SLC38A1: variants seen among roughly 807,000 people sequenced by gnomAD.
SLC38A1 encodes the protein solute carrier family 38 member 1.
In SLC38A1, 18 loss-of-function variants were observed where a neutral mutation model predicts 60.3. That is an observed-to-expected ratio of 0.30 (90% CI 0.21 to 0.44). The LOEUF (loss-of-function observed/expected upper bound fraction) is 0.44, where lower values mean the gene tolerates loss of function less well. Ranked by LOEUF, SLC38A1 falls within the 20% of genes least tolerant of loss-of-function variation. SLC38A1 has a pLI of 1.00. For missense variants in SLC38A1, 448 were observed against 587.2 expected, an observed-to-expected ratio of 0.76 and a Z score of 2.45; for synonymous variants, 196 against 212.1, an observed-to-expected ratio of 0.92 and a Z score of 0.66.
intron 3 of SLC38A1, among the ~76,000 whole-genome samples, chr12:46,234,999 T>C (rs7960819): frequency 0.53 from 80,467 of 151,438 alleles, 21,462 homozygotes; most frequent in Non-Finnish European, 0.56. Context: ...GGTGTGTCTG[T>C]ACCCATAAAA....
At position 46,198,512 on chromosome 12, in the gene SLC38A1, T is replaced by A. The variant is rs1592068785; in HGVS notation, c.1122+113A>T. 4.5e-6 allele frequency: 3 copies of A among 662,990 alleles called. No homozygotes were observed. In the East Asian group the frequency reaches 8.4e-5, roughly 19 times the overall value. The allele number at this position is 662,990 out of a possible 1,614,324, so 41.1% of individuals were successfully genotyped here. A position where few individuals can be genotyped will look rare whatever the true frequency, so the allele number is the denominator to read the frequency against. On this transcript the variant is annotated intron_variant, in intron 14 of 16. Transcript: ENST00000398637. ...CTTGGGATCTTTCCCAGATGCAGAT[T>A]CAATAACCCAGGAAAGTTACCTGGG...
intron 3 of SLC38A1, among the ~76,000 whole-genome samples, chr12:46,234,241 C>T (rs1592125516): frequency 6.6e-6 from 1 of 152,172 alleles, no homozygotes; most frequent in Non-Finnish European, 1.5e-5. Flanking sequence ...ATGTACCTAA[C>T]CACACATTAG....
At chr12:46,206,979 C>A (rs1939935029) in intron 8 of SLC38A1, among the ~76,000 whole-genome samples, 176 bp downstream of exon 8, 1 of 152,180 alleles carries the variant, frequency 6.6e-6, no homozygotes, top group Non-Finnish European at 1.5e-5. Flanking sequence ...ATGCAAATGG[C>A]TCTCCTGCTT....
At chr12:46,255,145 A>G (rs1460261464) in intron 1 of SLC38A1, among the ~76,000 whole-genome samples, 1 of 152,218 alleles carries the variant, frequency 6.6e-6, no homozygotes, top group African/African-American at 2.4e-5. Flanking sequence ...ACATCTGTCA[A>G]AGTCCTATTG....
intron 3 of SLC38A1, among the ~76,000 whole-genome samples, chr12:46,233,540 T>C (rs913375092): frequency 1.3e-5 from 2 of 152,136 alleles, no homozygotes; most frequent in African/African-American, 2.4e-5. Flanking sequence ...CCTGGGTTGG[T>C]AGCAAAGCAT....
At chr12:46,251,092 C>T (rs938156794) in intron 1 of SLC38A1, among the ~76,000 whole-genome samples, 4 of 152,206 alleles carry the variant, frequency 2.6e-5, no homozygotes, top group Non-Finnish European at 4.4e-5. Flanking sequence ...TGACTTCAAA[C>T]TATGCTACAA....
At chr12:46,231,020 C>A (rs1402686860) in intron 3 of SLC38A1, among the ~76,000 whole-genome samples, 1 of 152,178 alleles carries the variant, frequency 6.6e-6, no homozygotes, top group Admixed American at 6.5e-5. Context: ...CAGCACTATT[C>A]ACCATAGCAA....
At chr12:46,191,902 C>T (rs1592057413) in intron 16 of SLC38A1, among the ~76,000 whole-genome samples, 2 of 152,164 alleles carry the variant, frequency 1.3e-5, no homozygotes, top group Non-Finnish European at 1.5e-5. Flanking sequence ...TTCCTCCTCT[C>T]CTAATTGAAT....
At chr12:46,228,415 G>A (rs540434391) in intron 5 of SLC38A1, among the ~76,000 whole-genome samples, 9 of 152,284 alleles carry the variant, frequency 5.9e-5, no homozygotes, top group South Asian at 2.1e-4. Flanking sequence ...AATGAAAAGC[G>A]TGAGTTTCAA....
chr12:46,218,989 A>C (rs1940538074), intron 5 of SLC38A1, among the ~76,000 whole-genome samples: 1 of 152,128 alleles, frequency 6.6e-6, no homozygotes. Flanking sequence ...TACAATAATG[A>C]TGTTACCCCG....
chr12:46,260,451 G>A (rs1186900469), intron 1 of SLC38A1, among the ~76,000 whole-genome samples: 1 of 152,184 alleles, frequency 6.6e-6, no homozygotes, highest in African/African-American at 2.4e-5. Flanking sequence ...TCATGATCAT[G>A]CCACTTAACA....
At chr12:46,192,243 T>C (rs1939175351) in intron 16 of SLC38A1, among the ~76,000 whole-genome samples, 1 of 152,246 alleles carries the variant, frequency 6.6e-6, no homozygotes, top group African/African-American at 2.4e-5. Context: ...ATTTATTGAT[T>C]TGCATATGTT....
intron 9 of SLC38A1, 48 bp from the exon 10 acceptor site, chr12:46,204,638 A>T: frequency 2.0e-6 from 3 of 1,493,914 alleles, no homozygotes. Flanking sequence ...TTCCATTTTT[A>T]AAAATTTTGG....
chr12:46,190,723 A>G (rs1207671004), intron 16 of SLC38A1, among the ~76,000 whole-genome samples: 1 of 152,218 alleles, frequency 6.6e-6, no homozygotes. Flanking sequence ...TGTTGACTGC[A>G]TAAATGTCTT....
In SLC38A1 at chr12:46,219,472, G is replaced by T. The variant is rs115436082; in HGVS notation, c.314+9681C>A. Among the ~76,000 whole-genome samples, 10 of 152,256 alleles carry T rather than the reference G, an allele frequency of 6.6e-5. No homozygotes were observed. The South Asian group carries it at 2.1e-3, about 32-fold the overall frequency. On this transcript the variant is annotated intron_variant, in intron 5 of 16. Coordinates refer to ENST00000398637, the MANE Select transcript of SLC38A1 (RefSeq NM_030674.4). ...AGCCAGCCACACAAAAGGAGGCTGCGGGTGGCTTTGGTCTGCAGGCTGTCC... is the reference window on the plus strand; with the variant it reads ...AGCCAGCCACACAAAAGGAGGCTGCTGGTGGCTTTGGTCTGCAGGCTGTCC...
Position 46,185,952 on chromosome 12 carries a change from G to T in SLC38A1, c.*3018C>A, listed in dbSNP as rs977619484. ...TGGACAGTCCAGATTCTACTAACAG[G>T]CAACTCTGAACAAACACCCTCCCTG... On this transcript the variant is annotated 3_prime_UTR_variant, in exon 17 of 17. Transcript: ENST00000398637. 1 of 152,120 alleles carries T rather than the reference G, an allele frequency of 6.6e-6. No individual in the cohort carries two copies. The highest frequency in any genetic ancestry group is 2.4e-5 in the African/African-American group (1 of 41,394). The allele number at this position is 152,120 out of a possible 1,614,324, so 9.4% of individuals were successfully genotyped here.
intron 9 of SLC38A1, among the ~76,000 whole-genome samples, chr12:46,205,608 T>C (rs1355247867): frequency 6.6e-6 from 1 of 152,228 alleles, no homozygotes; most frequent in Non-Finnish European, 1.5e-5. Context: ...TTCTGACTTT[T>C]GATTTCTCTC....
intron 5 of SLC38A1, among the ~76,000 whole-genome samples, chr12:46,213,168 A>G (rs1463640748): frequency 6.6e-6 from 1 of 152,244 alleles, no homozygotes; most frequent in African/African-American, 2.4e-5. Context: ...AGCGCAAAGC[A>G]TGATAGGATT....
At chr12:46,227,544 T>C (rs1940913543) in intron 5 of SLC38A1, among the ~76,000 whole-genome samples, 1 of 152,210 alleles carries the variant, frequency 6.6e-6, no homozygotes, top group Admixed American at 6.5e-5. Flanking sequence ...TACCAGATAC[T>C]ACTTGTATCT....
Sources: allele counts gnomAD v4.1 joint callset (sites outside exome capture counted in the v4.1 genomes callset), GRCh38; gene constraint gnomAD v4.1.1; transcripts MANE v1.5; gene names NCBI Gene and HGNC (gene_info 2026-07-23, HGNC 2026-07-21).